The following FBXO42 variants were observed in gnomAD, a reference collection of about 807,000 sequenced individuals.
FBXO42 encodes the protein F-box protein 42, also known as F-box only protein 42.
In FBXO42, 12 loss-of-function variants were observed where a neutral mutation model predicts 71.7. The ratio of observed to expected loss-of-function variants is 0.17; its 90% CI spans 0.11 to 0.27. The LOEUF is 0.27. FBXO42 is among the 10% of genes least tolerant of loss of function. The probability of loss-of-function intolerance (pLI) is 1.00; values close to 1 mark genes in which losing one functional copy is unlikely to be tolerated. For missense variants in FBXO42, 707 were observed against 911.9 expected, an observed-to-expected ratio of 0.78 and a Z score of 2.89; for synonymous variants, 325 against 327.5, an observed-to-expected ratio of 0.99 and a Z score of 0.08.
In FBXO42 at chr1:16,251,188, C is replaced by T. The variant is rs759346551; in HGVS notation, c.1636G>A (p.Ala546Thr). 3 of 1,614,162 alleles carry T rather than the reference C, an allele frequency of 1.9e-6. No homozygotes were observed. The South Asian group carries it at 3.3e-5, about 18-fold the overall frequency. Reference protein sequence around the residue: ...GVHTPPHVASALAGAVSPGAL... With the variant: ...GVHTPPHVASTLAGAVSPGAL... Reference sequence around the variant, plus strand: ...CCTGGGGAGACGGCCCCTGCAAGGGCACTGGCCACGTGAGGTGGGGTATGC... The same window carrying T: ...CCTGGGGAGACGGCCCCTGCAAGGGTACTGGCCACGTGAGGTGGGGTATGC... The change falls in exon 10 of 10, where the codon GCC (alanine) becomes ACC (threonine). Residue 546 changes from alanine (A) to threonine (T), a missense_variant. Ala to Thr is a moderately conservative substitution (Grantham distance 58). Transcript: ENST00000375592. The surrounding 1 kb of genome is among the most constrained non-coding windows in gnomAD (Gnocchi z 4.5).
At chr1:16,316,169 C>CAAAAAA (rs58485035) in intron 1 of FBXO42, among the ~76,000 whole-genome samples, 13 of 109,022 alleles carry the variant, frequency 1.2e-4, no homozygotes, top group Admixed American at 3.0e-4. Flanking sequence ...ACCTCCATCT[C>CAAAAAA]AAAAAAAAAA....
chr1:16,327,195 C>T (rs1228928643), intron 1 of FBXO42, among the ~76,000 whole-genome samples: 1 of 152,150 alleles, frequency 6.6e-6, no homozygotes, highest in Non-Finnish European at 1.5e-5. Flanking sequence ...GTTAATGACT[C>T]ACTTACGGTT....
At chr1:16,331,282 G>A (rs1368421742) in intron 1 of FBXO42, among the ~76,000 whole-genome samples, 3 of 151,696 alleles carry the variant, frequency 2.0e-5, no homozygotes, top group East Asian at 1.9e-4. Context: ...GCATGGTGGC[G>A]GGCGCCTGTA....
intron 3 of FBXO42, among the ~76,000 whole-genome samples, chr1:16,297,871 A>C (rs1236837993): frequency 6.6e-6 from 1 of 150,576 alleles, no homozygotes; most frequent in Non-Finnish European, 1.5e-5. Flanking sequence ...CATCTCAAAA[A>C]AAAAAAAAAA....
intron 4 of FBXO42, among the ~76,000 whole-genome samples, chr1:16,263,233 C>G (rs1281008153): frequency 1.3e-5 from 2 of 151,122 alleles, no homozygotes; most frequent in East Asian, 3.9e-4. Flanking sequence ...GAGGCTGAGG[C>G]GGGCGGATCA....
At chr1:16,323,627 A>G (rs895265965) in intron 1 of FBXO42, among the ~76,000 whole-genome samples, 3 of 150,812 alleles carry the variant, frequency 2.0e-5, no homozygotes, top group African/African-American at 7.3e-5. Context: ...TGAGACCCCT[A>G]CTAAAAACAA....
intron 2 of FBXO42, among the ~76,000 whole-genome samples, chr1:16,312,577 T>A (rs1230297946): frequency 1.3e-5 from 2 of 152,240 alleles, no homozygotes; most frequent in East Asian, 3.9e-4. Flanking sequence ...ATTATGATAT[T>A]ATAACAGTGG....
At chr1:16,324,617 AG>A (rs2082435698) in intron 1 of FBXO42, among the ~76,000 whole-genome samples, 1 of 152,154 alleles carries the variant, frequency 6.6e-6, no homozygotes, top group Non-Finnish European at 1.5e-5. Flanking sequence ...CAGGAATTTG[AG>A]ACCAGCCTGG....
In FBXO42 at chr1:16,333,445, C is replaced by T. The variant is rs372587405; in HGVS notation, c.-17-18010G>A. 7.2e-5 allele frequency among the ~76,000 whole-genome samples: 10 copies of T among 138,918 alleles called. 1 individual carries two copies. The highest frequency in any genetic ancestry group is 1.6e-4 in the Non-Finnish European group (10 of 62,176). The allele number at this position is 138,918 out of a possible 152,430, so 91.1% of individuals were successfully genotyped here. A position where few individuals can be genotyped will look rare whatever the true frequency, so the allele number is the denominator to read the frequency against. Reference sequence around the variant, plus strand: ...CTGGGCAAATAGTGAGACCCCCCCCCCCCATTTCCAAGAAGAAAAAAAAAA... The same window carrying T: ...CTGGGCAAATAGTGAGACCCCCCCCTCCCATTTCCAAGAAGAAAAAAAAAA... On this transcript the variant is annotated intron_variant, in intron 1 of 9. Coordinates refer to ENST00000375592, the MANE Select transcript of FBXO42 (RefSeq NM_018994.3).
chr1:16,320,912 A>T (rs1038884275), intron 1 of FBXO42, among the ~76,000 whole-genome samples: 2 of 152,176 alleles, frequency 1.3e-5, no homozygotes, highest in African/African-American at 4.8e-5. Flanking sequence ...TGCATGGTTG[A>T]CATTTAAATT....
chr1:16,339,723 C>T (rs1348658965), intron 1 of FBXO42, among the ~76,000 whole-genome samples: 7 of 152,180 alleles, frequency 4.6e-5, no homozygotes, highest in African/African-American at 1.7e-4. Flanking sequence ...GTCTTGATTA[C>T]ATCTTATCCC....
chr1:16,323,942 C>T (rs531035727), intron 1 of FBXO42, among the ~76,000 whole-genome samples: 28 of 151,964 alleles, frequency 1.8e-4, no homozygotes, highest in Non-Finnish European at 3.2e-4. Flanking sequence ...AAGCAGCAAC[C>T]CTGAACAGAT....
At chr1:16,331,366 G>GATC (rs1249061303) in intron 1 of FBXO42, among the ~76,000 whole-genome samples, 1 of 151,878 alleles carries the variant, frequency 6.6e-6, no homozygotes, top group Non-Finnish European at 1.5e-5. Flanking sequence ...AGTGAGCCGA[G>GATC]ATCGTGCCAC....
At chr1:16,272,578 T>C (rs1162186045) in intron 4 of FBXO42, among the ~76,000 whole-genome samples, 2 of 152,050 alleles carry the variant, frequency 1.3e-5, no homozygotes, top group East Asian at 1.9e-4. Flanking sequence ...AACTCTCTAA[T>C]AGGTAAAGGC....
At chr1:16,341,276 C>A (rs1041080854) in intron 1 of FBXO42, among the ~76,000 whole-genome samples, 1 of 152,140 alleles carries the variant, frequency 6.6e-6, no homozygotes, top group Non-Finnish European at 1.5e-5. Flanking sequence ...TGAGACAACC[C>A]TTGGCAATTC....
chr1:16,252,690 G>A lies in FBXO42; in HGVS notation c.922-286C>T, dbSNP rs2081605439. Among the ~76,000 whole-genome samples, 1 of 152,188 alleles carries A rather than the reference G, an allele frequency of 6.6e-6. No individual in the cohort carries two copies. Among genetic ancestry groups the A allele is most frequent in the Non-Finnish European group, 1.5e-5 (1 of 68,042 alleles). On this transcript the variant is annotated intron_variant, in intron 8 of 9. Transcript: ENST00000375592. The surrounding 1 kb of genome is among the most constrained non-coding windows in gnomAD (Gnocchi z 4.4). ...CATAATTTTATGTGTATGTATTGGGGATTGAAGGAGAGGATAAATAATACA... is the reference window on the plus strand; with the variant it reads ...CATAATTTTATGTGTATGTATTGGGAATTGAAGGAGAGGATAAATAATACA...
At position 16,250,594 on chromosome 1, in the gene FBXO42, A is replaced by G. The variant is rs576439691; in HGVS notation, c.*76T>C. On this transcript the variant is annotated 3_prime_UTR_variant, in exon 10 of 10. Transcript: ENST00000375592. This position sits in a 1 kb window ranked among gnomAD's most constrained non-coding sequence, Gnocchi z 4.7. ...TTCTGGGAGTAATTTTGTTTTCCCA[A>G]TTCTCAGTCCAAATGCTTACACACT... 8 of 1,501,636 alleles carry G rather than the reference A, an allele frequency of 5.3e-6. No homozygotes were observed. In the African/African-American group the frequency reaches 1.1e-4, roughly 21 times the overall value. The allele number at this position is 1,501,636 out of a possible 1,614,324, so 93.0% of individuals were successfully genotyped here.
At chr1:16,265,821 C>T (rs2081765604) in intron 4 of FBXO42, among the ~76,000 whole-genome samples, 1 of 151,306 alleles carries the variant, frequency 6.6e-6, no homozygotes, top group Non-Finnish European at 1.5e-5. Flanking sequence ...CCTAAAGGAG[C>T]TCTATATGGC....
intron 1 of FBXO42, among the ~76,000 whole-genome samples, chr1:16,334,295 T>C (rs1011487154): frequency 2.0e-5 from 3 of 151,040 alleles, no homozygotes; most frequent in African/African-American, 7.3e-5. Flanking sequence ...TAGCCAGGTG[T>C]GGTGGCGGGT....
Sources: allele counts gnomAD v4.1 joint callset (sites outside exome capture counted in the v4.1 genomes callset), GRCh38; gene constraint gnomAD v4.1.1; non-coding constraint Gnocchi (gnomAD v3.1); transcripts MANE v1.5; gene names NCBI Gene and HGNC (gene_info 2026-07-23, HGNC 2026-07-21).